ENTPD4: variants seen among roughly 807,000 people sequenced by gnomAD.
ENTPD4 encodes ectonucleoside triphosphate diphosphohydrolase 4, also known as Golgi UDPase.
In ENTPD4, 60 loss-of-function variants were observed where a neutral mutation model predicts 79.1. That is an observed-to-expected ratio of 0.76 (90% CI 0.62 to 0.94). The LOEUF is 0.94. Ranked by LOEUF, ENTPD4 falls within the 40% of genes least tolerant of loss-of-function variation. The pLI is 0.00. For missense variants in ENTPD4, 772 were observed against 775.1 expected, an observed-to-expected ratio of 1.00 and a Z score of 0.05; for synonymous variants, 276 against 292.0, an observed-to-expected ratio of 0.95 and a Z score of 0.56.
At chr8:23,446,759 C>T (rs1456458972) in intron 4 of ENTPD4, among the ~76,000 whole-genome samples, 1 of 152,110 alleles carries the variant, frequency 6.6e-6, no homozygotes, top group African/African-American at 2.4e-5. Flanking sequence ...TGGTTGGAGA[C>T]TCTTCTATGA....
rs34073541 is a variant in ENTPD4 at position 23,437,087 on chromosome 8, G to A, written c.1221C>T (p.Asn407=). ...CCCCATTGAGGGAAGTCTGGGTCTC[G>A]TTTGTTTTATTCATGAAAGGCTGGA... is the stretch of plus-strand genomic sequence containing the variant. ...ETIQPFMNKT[N]ETQTSLNGVY... Residue 407 remains asparagine, a synonymous_variant, in exon 10 of 13, where the codon AAC becomes AAT. Transcript: ENST00000358689. The A allele has an allele frequency of 7.5e-5, 121 of 1,614,178 alleles. No homozygotes were observed. The highest frequency in any genetic ancestry group is 1.2e-4 in the African/African-American group (9 of 75,046).
Position 23,432,425 on chromosome 8 carries a change from T to G in ENTPD4, c.*501A>C. 1.0e-6 allele frequency: 1 copy of G among 985,654 alleles called. No individual in the cohort carries two copies. The highest frequency in any genetic ancestry group is 1.2e-6 in the Non-Finnish European group (1 of 830,116). The allele number at this position is 985,654 out of a possible 1,614,324, so 61.1% of individuals were successfully genotyped here. A position where few individuals can be genotyped will look rare whatever the true frequency, so the allele number is the denominator to read the frequency against. ...AGCAAAAATCAAGTGAATTTCCCTC[T>G]TCCCCACTCCTCAATTTAATGCTGT... is the stretch of plus-strand genomic sequence containing the variant. On this transcript the variant is annotated 3_prime_UTR_variant, in exon 13 of 13. Transcript: ENST00000358689.
At position 23,452,746 on chromosome 8, in the gene ENTPD4, G is replaced by A. The variant is rs138113112; in HGVS notation, c.-97-2749C>T. Among the ~76,000 whole-genome samples, 17 of 152,258 alleles carry A rather than the reference G, an allele frequency of 1.1e-4. No homozygotes were observed. In the East Asian group the frequency reaches 1.9e-3, roughly 17 times the overall value. ...AAGCTACAGATCACTGAAATGCCTC[G>A]CATTCCTTGGCATTAGCAGAATGAA... is the stretch of plus-strand genomic sequence containing the variant. On this transcript the variant is annotated intron_variant, in intron 1 of 12. Coordinates refer to ENST00000358689, the MANE Select transcript of ENTPD4 (RefSeq NM_004901.5).
intron 8 of ENTPD4, among the ~76,000 whole-genome samples, chr8:23,441,049 G>A (rs1012787324): frequency 1.3e-5 from 2 of 152,164 alleles, no homozygotes; most frequent in African/African-American, 4.8e-5. Flanking sequence ...TCTGGAAACC[G>A]TGCCGGGGTT....
chr8:23,452,889 G>T (rs566972872), intron 1 of ENTPD4, among the ~76,000 whole-genome samples: 1 of 152,354 alleles, frequency 6.6e-6, no homozygotes, highest in African/African-American at 2.4e-5. Context: ...TATCACAGCA[G>T]TGGGCTAAAG....
At chr8:23,435,556 A>G in intron 10 of ENTPD4, 79 bp from the exon 11 acceptor site, 1 of 1,016,794 alleles carries the variant, frequency 9.8e-7, no homozygotes, top group Non-Finnish European at 1.5e-6. Flanking sequence ...TACCAAATTT[A>G]TATTTGTAAC....
At chr8:23,453,872 C>G (rs746968434) in intron 1 of ENTPD4, among the ~76,000 whole-genome samples, 4 of 152,188 alleles carry the variant, frequency 2.6e-5, no homozygotes, top group Non-Finnish European at 5.9e-5. Context: ...AACACTGTTA[C>G]TAATGTCCAC....
In ENTPD4 at chr8:23,429,459, C is replaced by A. The variant is rs1355930161; in HGVS notation, c.*3467G>T. The A allele has an allele frequency of 5.1e-6, 5 of 985,032 alleles. No homozygotes were observed. Among genetic ancestry groups the A allele is most frequent in the Non-Finnish European group, 4.8e-6 (4 of 829,604 alleles). The allele number at this position is 985,032 out of a possible 1,614,324, so 61.0% of individuals were successfully genotyped here. A position where few individuals can be genotyped will look rare whatever the true frequency, so the allele number is the denominator to read the frequency against. ...AGAAACAAAACACTGAAATAAATAACTAAGTAATTTACTGAAAGGTAGTTT... is the reference window on the plus strand; with the variant it reads ...AGAAACAAAACACTGAAATAAATAAATAAGTAATTTACTGAAAGGTAGTTT... On this transcript the variant is annotated 3_prime_UTR_variant, in exon 13 of 13. Transcript: ENST00000358689.
In ENTPD4 at chr8:23,431,003, A is replaced by G. The variant is rs544767645; in HGVS notation, c.*1923T>C. On this transcript the variant is annotated 3_prime_UTR_variant, in exon 13 of 13. Coordinates refer to ENST00000358689, the MANE Select transcript of ENTPD4 (RefSeq NM_004901.5). Reference sequence around the variant, plus strand: ...GAGCCTGGGTCCCCAGGCTGCTGGTAACACGCTTTGAAATCCAGGTGAGGG... The same window carrying G: ...GAGCCTGGGTCCCCAGGCTGCTGGTGACACGCTTTGAAATCCAGGTGAGGG... 1,464 of 983,574 alleles carry G rather than the reference A, an allele frequency of 1.5e-3. No homozygotes were observed. The highest frequency in any genetic ancestry group is 1.7e-3 in the Admixed American group (28 of 16,288). 60.9% of individuals were successfully genotyped at this position (983,574 alleles called of 1,614,324 possible).
In ENTPD4 at chr8:23,431,432, C is replaced by T; in HGVS notation, c.*1494G>A. ...AACTGTACGAGAATTCCCCAAACTT[C>T]TCAACTAAATAAATAGGTGAAAAAA... On this transcript the variant is annotated 3_prime_UTR_variant, in exon 13 of 13. Transcript: ENST00000358689. 1.0e-6 allele frequency: 1 copy of T among 985,446 alleles called. No individual in the cohort carries two copies. The highest frequency in any genetic ancestry group is 1.2e-6 in the Non-Finnish European group (1 of 829,934). The allele number at this position is 985,446 out of a possible 1,614,324, so 61.0% of individuals were successfully genotyped here.
chr8:23,456,524 C>T (rs941136899), intron 1 of ENTPD4, among the ~76,000 whole-genome samples: 4 of 152,174 alleles, frequency 2.6e-5, no homozygotes, highest in Non-Finnish European at 5.9e-5. Context: ...AGACTATATC[C>T]TCAAGGGCCT....
chr8:23,429,869 C>T lies in ENTPD4; in HGVS notation c.*3057G>A, dbSNP rs1800425611. On this transcript the variant is annotated 3_prime_UTR_variant, in exon 13 of 13. Transcript: ENST00000358689. Reference sequence around the variant, plus strand: ...TACAGTTCCATGTGTTTCTCTTCTACTGTAATGTCCCCAGAGGGATTGTGA... The same window carrying T: ...TACAGTTCCATGTGTTTCTCTTCTATTGTAATGTCCCCAGAGGGATTGTGA... 1 of 985,472 alleles carries T rather than the reference C, an allele frequency of 1.0e-6. No individual in the cohort carries two copies. Among genetic ancestry groups the T allele is most frequent in the Non-Finnish European group, 1.2e-6 (1 of 829,924 alleles). The allele number at this position is 985,472 out of a possible 1,614,324, so 61.0% of individuals were successfully genotyped here.
rs369176258 is a variant in ENTPD4, at chr8:23,447,898, C to G, written c.207-13G>C. On this transcript the variant is annotated splice_polypyrimidine_tract_variant and intron_variant, in intron 3 of 12. Transcript: ENST00000358689. The stretch of plus-strand genomic sequence containing the variant: ...TCGTGCCAGGTACCTTGTATAGAAA[C>G]ACACGTATGCTTTGATTTAGACAAA... 3.1e-6 allele frequency: 5 copies of G among 1,606,362 alleles called. No individual in the cohort carries two copies. Among genetic ancestry groups the G allele is most frequent in the Non-Finnish European group, 4.3e-6 (5 of 1,173,026 alleles).
rs986279397 is a variant in ENTPD4, at chr8:23,443,760, T to C, written c.667+90A>G. The C allele has an allele frequency of 9.9e-6, 7 of 707,346 alleles. No homozygotes were observed. The Admixed American group carries it at 1.5e-4, about 15-fold the overall frequency. 43.8% of individuals were successfully genotyped at this position (707,346 alleles called of 1,614,324 possible). A position where few individuals can be genotyped will look rare whatever the true frequency, so the allele number is the denominator to read the frequency against. ...TATTATTTCCCAAATGTTAAGACAATAGGAGTATAACAAAGGGTACATTGG... is the reference window on the plus strand; with the variant it reads ...TATTATTTCCCAAATGTTAAGACAACAGGAGTATAACAAAGGGTACATTGG... On this transcript the variant is annotated intron_variant, in intron 6 of 12. Transcript: ENST00000358689.
intron 9 of ENTPD4, among the ~76,000 whole-genome samples, 200 bp from the exon 10 acceptor site, chr8:23,437,458 A>G (rs1464383145): frequency 6.6e-6 from 1 of 152,206 alleles, no homozygotes. Flanking sequence ...CAGGATACAA[A>G]CTTGCCTGCA....
chr8:23,430,373 T>C lies in ENTPD4; in HGVS notation c.*2553A>G. The stretch of plus-strand genomic sequence containing the variant: ...CGAAGTGAAATTCTGGTGCAACAAA[T>C]ATTTTAAGATTGAAGTTTGGTTACT... On this transcript the variant is annotated 3_prime_UTR_variant, in exon 13 of 13. Transcript: ENST00000358689. 1.0e-6 allele frequency: 1 copy of C among 985,458 alleles called. No homozygotes were observed. Among genetic ancestry groups the C allele is most frequent in the Non-Finnish European group, 1.2e-6 (1 of 829,934 alleles). The allele number at this position is 985,458 out of a possible 1,614,324, so 61.0% of individuals were successfully genotyped here.
At chr8:23,456,732 A>C (rs1800965350) in intron 1 of ENTPD4, among the ~76,000 whole-genome samples, 2 of 152,266 alleles carry the variant, frequency 1.3e-5, no homozygotes, top group African/African-American at 4.8e-5. Flanking sequence ...TAACACAAAT[A>C]ATATAACTCT....
chr8:23,434,700 C>T (rs1260268229), intron 11 of ENTPD4: 3 of 1,382,640 alleles, frequency 2.2e-6, no homozygotes, highest in African/African-American at 1.4e-5. Context: ...TCAATCAGTG[C>T]ATGAACCCGG....
chr8:23,441,244 T>C (rs1337102268), intron 8 of ENTPD4: 4 of 183,366 alleles, frequency 2.2e-5, no homozygotes, highest in East Asian at 3.8e-4. Context: ...AAAAATCAGA[T>C]GTTATTATTT....
Sources: gnomAD v4.1 joint callset for allele counts (sites outside exome capture counted in the v4.1 genomes callset) on GRCh38, gnomAD v4.1.1 for gene constraint, MANE v1.5 for transcripts, NCBI Gene and HGNC (gene_info 2026-07-23, HGNC 2026-07-21) for gene names.